The following TENM2 variants were observed in gnomAD, a reference collection of about 807,000 sequenced individuals.
TENM2 encodes teneurin transmembrane protein 2, also known as teneurin-2.
A neutral mutation model predicts 245.2 loss-of-function variants in TENM2; 52 were observed. That is an observed-to-expected ratio of 0.21 (90% CI 0.17 to 0.27). TENM2 has a LOEUF of 0.27. Among genes scored for constraint, TENM2 ranks in the 10% least tolerant of loss-of-function variants. TENM2 has a pLI of 1.00. For synonymous variants in TENM2, 1,363 were observed against 1,438.9 expected, an observed-to-expected ratio of 0.95 and a Z score of 1.19; for missense variants, 3,046 against 3,666.8, an observed-to-expected ratio of 0.83 and a Z score of 4.37.
intron 12 of TENM2, chr5:168,149,394 C>T (rs559489733): frequency 1.3e-5 from 6 of 457,108 alleles, no homozygotes; most frequent in East Asian, 6.9e-5. Context: ...TAGTTCCAAC[C>T]GAGGAGTCTG....
chr5:168,191,398 G>A lies in TENM2; in HGVS notation c.2780+851G>A, dbSNP rs368716699. Among the ~76,000 whole-genome samples, 22 of 152,278 alleles carry A rather than the reference G, an allele frequency of 1.4e-4. No homozygotes were observed. In the East Asian group the frequency reaches 4.1e-3, roughly 28 times the overall value. ...AGGCTGGGGGTCTTCTTATGGCTTG[G>A]CCATGCTTGATCTTCCTCTCAGTTG... On this transcript the variant is annotated intron_variant, in intron 14 of 28. Coordinates refer to ENST00000518659, the Ensembl canonical transcript of TENM2.
At chr5:168,054,865 C>T (rs928562556) in intron 6 of TENM2, among the ~76,000 whole-genome samples, 7 of 152,172 alleles carry the variant, frequency 4.6e-5, no homozygotes, top group Non-Finnish European at 1.0e-4. Context: ...TCTAAAAACC[C>T]AGAAATCTCA....
At chr5:166,998,255 G>A in the TENM2 span, among the ~76,000 whole-genome samples, 4 of 152,138 alleles carry the variant, frequency 2.6e-5, no homozygotes, top group Admixed American at 1.3e-4. Flanking sequence ...ATAAGATTAG[G>A]GAGGTGGTGA....
chr5:168,232,020 T>C (rs978709428), intron 25 of TENM2, among the ~76,000 whole-genome samples: 2 of 152,010 alleles, frequency 1.3e-5, no homozygotes, highest in Admixed American at 1.3e-4. Flanking sequence ...TGAGTTCTGA[T>C]CATGCCCTGT....
At chr5:167,375,967 A>T (rs2127314297) in intron 2 of TENM2, among the ~76,000 whole-genome samples, 1 of 152,306 alleles carries the variant, frequency 6.6e-6, no homozygotes, top group South Asian at 2.1e-4. Flanking sequence ...TCTGGAGCTT[A>T]ATAATGACAA....
chr5:168,253,214 G>A (rs1767291941), intron 27 of TENM2, among the ~76,000 whole-genome samples: 1 of 151,996 alleles, frequency 6.6e-6, no homozygotes, highest in South Asian at 2.1e-4. Context: ...TGATCGGCCT[G>A]CCTCGGCCTC....
chr5:167,161,891 G>A, the TENM2 span, among the ~76,000 whole-genome samples: 7 of 152,018 alleles, frequency 4.6e-5, no homozygotes, highest in Non-Finnish European at 1.0e-4. Flanking sequence ...CTGGGACGCC[G>A]GGTGCAGTGG....
chr5:168,128,907 A>C (rs1736465865), intron 12 of TENM2: 1 of 152,056 alleles, frequency 6.6e-6, no homozygotes, highest in South Asian at 2.1e-4. Flanking sequence ...ACCTGTCAGC[A>C]CTGAGTAATT....
intron 5 of TENM2, among the ~76,000 whole-genome samples, chr5:168,020,075 A>AG (rs1303702727): frequency 2.0e-5 from 3 of 152,200 alleles, no homozygotes; most frequent in Admixed American, 1.3e-4. Context: ...TTGTGCTTAG[A>AG]GGGGCCAGGG....
At chr5:167,457,389 A>G (rs1765990661) in intron 2 of TENM2, among the ~76,000 whole-genome samples, 1 of 150,876 alleles carries the variant, frequency 6.6e-6, no homozygotes, top group African/African-American at 2.4e-5. Flanking sequence ...CTGGAGTGCA[A>G]TGGCGCAATC....
rs182505491 is a variant in TENM2, at chr5:167,566,615, G to T, written c.502+191142G>T. On this transcript the variant is annotated intron_variant, in intron 2 of 28. Coordinates refer to ENST00000518659, the Ensembl canonical transcript of TENM2. ...CCTGTAGCAGTGAATGCGTTTTTCT[G>T]ATGAATACGTTCAAGGCTGTGATCA... is the stretch of plus-strand genomic sequence containing the variant. Among the ~76,000 whole-genome samples, 4 of 152,290 alleles carry T rather than the reference G, an allele frequency of 2.6e-5. No homozygotes were observed. The East Asian group carries it at 7.7e-4, about 29-fold the overall frequency.
At chr5:167,394,939 GTTC>G (rs761236717) in intron 2 of TENM2, among the ~76,000 whole-genome samples, 71 of 152,046 alleles carry the variant, frequency 4.7e-4, no homozygotes, top group Non-Finnish European at 5.6e-4. Flanking sequence ...CTCCAGCTTT[GTTC>G]TTCTTTCTCA....
Position 168,243,586 on chromosome 5 carries a change from A to T in TENM2, c.5521-834A>T, listed in dbSNP as rs975315611. Among the ~76,000 whole-genome samples, 32 of 152,218 alleles carry T rather than the reference A, an allele frequency of 2.1e-4. 1 individual carries two copies. The highest frequency in any genetic ancestry group is 7.5e-4 in the African/African-American group (31 of 41,464). ...AACTTTACTTAAGATTTCATAAGAA[A>T]TTATGGCACCTGTTCTTAAAGATCA... On this transcript the variant is annotated intron_variant, in intron 25 of 28. Transcript: ENST00000518659.
At chr5:168,162,934 G>C (rs1012381627) in intron 13 of TENM2, among the ~76,000 whole-genome samples, 177 bp downstream of exon 15, 1 of 152,196 alleles carries the variant, frequency 6.6e-6, no homozygotes, top group Non-Finnish European at 1.5e-5. Flanking sequence ...GGGGATCTCT[G>C]GGAGACACCG....
At chr5:167,138,570 A>C in the TENM2 span, among the ~76,000 whole-genome samples, 3 of 152,148 alleles carry the variant, frequency 2.0e-5, no homozygotes, top group African/African-American at 7.2e-5. Flanking sequence ...TTCATCTATA[A>C]AGTGGGTATA....
intron 2 of TENM2, among the ~76,000 whole-genome samples, chr5:167,825,227 CAT>C (rs956668016): frequency 4.9e-4 from 74 of 152,116 alleles, no homozygotes; most frequent in African/African-American, 1.7e-3. Context: ...TAGATAGACA[CAT>C]AATCCAGCAG....
intron 2 of TENM2, among the ~76,000 whole-genome samples, chr5:167,511,205 A>C (rs1769931329): frequency 6.6e-6 from 1 of 152,214 alleles, no homozygotes; most frequent in African/African-American, 2.4e-5. Flanking sequence ...ACATGCACAA[A>C]GACGACATTG....
At chr5:167,430,717 A>G (rs1277221711) in intron 2 of TENM2, among the ~76,000 whole-genome samples, 6 of 152,318 alleles carry the variant, frequency 3.9e-5, no homozygotes, top group Admixed American at 3.3e-4. Flanking sequence ...GTTTTGAAAA[A>G]TGGACATTTT....
chr5:167,311,970 A>T (rs902173411), intron 1 of TENM2, among the ~76,000 whole-genome samples: 3 of 152,038 alleles, frequency 2.0e-5, no homozygotes, highest in Non-Finnish European at 4.4e-5. Flanking sequence ...GTTAAGGGGG[A>T]ATTTTTTAAG....
Sources: gnomAD v4.1 joint callset for allele counts (sites outside exome capture counted in the v4.1 genomes callset) on GRCh38, gnomAD v4.1.1 for gene constraint, MANE v1.5 for transcripts, NCBI Gene and HGNC (gene_info 2026-07-23, HGNC 2026-07-21) for gene names.